The following MGST1 variants were observed in gnomAD, a reference collection of about 807,000 sequenced individuals.
MGST1 encodes glutathione S-transferase 12.
Under a neutral mutation model 8.9 loss-of-function variants are expected in MGST1, and 5 were observed. The observed-to-expected ratio is 0.56, with a 90% CI of 0.29 to 1.19. The LOEUF (loss-of-function observed/expected upper bound fraction) is 1.19. Among genes scored for constraint, MGST1 ranks in the 50% most tolerant of loss-of-function variants. The pLI is 0.08. For missense variants in MGST1, 182 were observed against 187.4 expected, an observed-to-expected ratio of 0.97 and a Z score of 0.17; for synonymous variants, 54 against 67.8, an observed-to-expected ratio of 0.80 and a Z score of 1.00.
At chr12:16,395,905 A>T (rs777692668) in intron 1 of MGST1, among the ~76,000 whole-genome samples, 1 of 151,698 alleles carries the variant, frequency 6.6e-6, no homozygotes, top group Non-Finnish European at 1.5e-5. Flanking sequence ...TTGTGCTGCT[A>T]TAAACATGTA....
In MGST1 at chr12:16,482,494, A is replaced by T. The variant is rs1220290040; in HGVS notation, n.482+98890A>T. The stretch of plus-strand genomic sequence containing the variant: ...AAAAATACAAAAATTAGCCAGGCGC[A>T]GTGGCAGGCGCCTGTAATCCTAGCT... On this transcript the variant is annotated intron_variant and non_coding_transcript_variant, in intron 4 of 4. Transcript: ENST00000538857. This position sits in a 1 kb window ranked among gnomAD's most constrained non-coding sequence, Gnocchi z 4.2. 6.6e-6 allele frequency among the ~76,000 whole-genome samples: 1 copy of T among 151,986 alleles called. No homozygotes were observed. Among genetic ancestry groups the T allele is most frequent in the Non-Finnish European group, 1.5e-5 (1 of 67,972 alleles).
At chr12:16,545,206 T>C (rs1457159344) in intron 4 of MGST1, among the ~76,000 whole-genome samples, 1 of 152,106 alleles carries the variant, frequency 6.6e-6, no homozygotes, top group African/African-American at 2.4e-5. Context: ...TCTGATTTAT[T>C]AAATTTACAA....
At chr12:16,421,957 C>T (rs868565890) in intron 1 of MGST1, among the ~76,000 whole-genome samples, 1 of 152,180 alleles carries the variant, frequency 6.6e-6, no homozygotes, top group Admixed American at 6.5e-5. Flanking sequence ...CACCATTACT[C>T]TAGATCTTTG....
rs745904975 is a variant in MGST1 at position 16,389,258 on chromosome 12, C to A, written n.778+5654C>A. Among the ~76,000 whole-genome samples, 1 of 152,160 alleles carries A rather than the reference C, an allele frequency of 6.6e-6. No individual in the cohort carries two copies. Among genetic ancestry groups the A allele is most frequent in the Non-Finnish European group, 1.5e-5 (1 of 68,028 alleles). On this transcript the variant is annotated intron_variant and non_coding_transcript_variant, in intron 1 of 1. Transcript: ENST00000359720. This position sits in a 1 kb window ranked among gnomAD's most constrained non-coding sequence, Gnocchi z 4.6. ...ACTGAAAAGAAATAGTTTGTTTACT[C>A]GATGCATCAACAGTTTGTATCTCAA...
intron 1 of MGST1, chr12:16,399,467 C>A: frequency 1.3e-6 from 2 of 1,550,626 alleles, no homozygotes; most frequent in Middle Eastern, 2.2e-4. Context: ...CATCCCAATC[C>A]TTTCCACTCT....
intron 4 of MGST1, among the ~76,000 whole-genome samples, chr12:16,556,332 T>G (rs1027490583): frequency 2.0e-5 from 3 of 152,184 alleles, no homozygotes; most frequent in African/African-American, 7.2e-5. Flanking sequence ...CCTCCTGCGG[T>G]ACCTTTTAAA....
rs1941485531 is a variant in MGST1 at position 16,498,692 on chromosome 12, A to G, written n.483-90836A>G. Among the ~76,000 whole-genome samples the G allele has an allele frequency of 2.0e-5, 3 of 152,336 alleles. No individual in the cohort carries two copies. In the South Asian group the frequency reaches 6.2e-4, roughly 32 times the overall value. ...ACATGCCATTTTATGCTCTAACAGG[A>G]GACCCGCTTTCCATGATCAAATGAT... On this transcript the variant is annotated intron_variant and non_coding_transcript_variant, in intron 4 of 4. Coordinates refer to the MGST1 transcript ENST00000538857.
chr12:16,447,574 G>A (rs1018119672), intron 4 of MGST1, among the ~76,000 whole-genome samples: 25 of 151,942 alleles, frequency 1.6e-4, no homozygotes, highest in African/African-American at 5.6e-4. Flanking sequence ...AGGTGCATCT[G>A]ACTGATCTCA....
intron 4 of MGST1, among the ~76,000 whole-genome samples, chr12:16,530,835 G>A (rs1230193592): frequency 6.6e-6 from 1 of 152,064 alleles, no homozygotes; most frequent in Non-Finnish European, 1.5e-5. Flanking sequence ...CCAGCACTGG[G>A]CATATATCAC....
chr12:16,405,187 C>A (rs1340724225), intron 1 of MGST1, among the ~76,000 whole-genome samples: 1 of 151,920 alleles, frequency 6.6e-6, no homozygotes, highest in Admixed American at 6.6e-5. Context: ...TCGAGCTGAA[C>A]CAAAAGAGAT....
intron 4 of MGST1, among the ~76,000 whole-genome samples, chr12:16,511,632 A>G (rs996215130): frequency 2.6e-5 from 4 of 152,190 alleles, no homozygotes; most frequent in African/African-American, 9.6e-5. Flanking sequence ...AGGGAATGCT[A>G]TTTCTTCTTC....
At chr12:16,461,740 C>A (rs1056580877) in intron 4 of MGST1, among the ~76,000 whole-genome samples, 1 of 152,076 alleles carries the variant, frequency 6.6e-6, no homozygotes, top group Admixed American at 6.5e-5. Context: ...GGAACATTGA[C>A]AGAATAATTG....
At chr12:16,374,806 G>A (rs970942847) in intron 3 of MGST1, among the ~76,000 whole-genome samples, 3 of 152,136 alleles carry the variant, frequency 2.0e-5, no homozygotes, top group African/African-American at 7.2e-5. Flanking sequence ...TATGGTTACT[G>A]TGGAATAAAC....
Position 16,582,626 on chromosome 12 carries a change from G to A in MGST1, n.483-6902G>A, listed in dbSNP as rs965772421. Among the ~76,000 whole-genome samples the A allele has an allele frequency of 1.3e-5, 2 of 152,182 alleles. No individual in the cohort carries two copies. The highest frequency in any genetic ancestry group is 1.5e-5 in the Non-Finnish European group (1 of 68,032). On this transcript the variant is annotated intron_variant and non_coding_transcript_variant, in intron 4 of 4. Transcript: ENST00000538857. This position sits in a 1 kb window ranked among gnomAD's most constrained non-coding sequence, Gnocchi z 4.1. ...AGAGATTGAGCCATCACAATAAGAG[G>A]AGGGATTGAAACCATGAGGACAAAT... is the stretch of plus-strand genomic sequence containing the variant.
chr12:16,438,338 G>A (rs866729790), exon 2 of MGST1: 1 of 151,900 alleles, frequency 6.6e-6, no homozygotes, highest in South Asian at 2.1e-4. Context: ...TACATTGACA[G>A]TGGGGGAGTT....
intron 3 of MGST1, among the ~76,000 whole-genome samples, chr12:16,358,942 G>T (rs1195959758): frequency 6.6e-6 from 1 of 151,902 alleles, no homozygotes; most frequent in Non-Finnish European, 1.5e-5. Flanking sequence ...GATTTCTGCA[G>T]ATTCCCTTAT....
intron 4 of MGST1, among the ~76,000 whole-genome samples, chr12:16,571,679 T>C (rs544039008): frequency 6.6e-6 from 1 of 152,128 alleles, no homozygotes; most frequent in East Asian, 1.9e-4. Context: ...TTTCTGTTCT[T>C]TGGTTCCTTC....
At chr12:16,434,285 T>G (rs1940964683) in intron 1 of MGST1, among the ~76,000 whole-genome samples, 1 of 152,126 alleles carries the variant, frequency 6.6e-6, no homozygotes, top group Non-Finnish European at 1.5e-5. Flanking sequence ...ATGCATTTCA[T>G]GAATGGTGCT....
intron 4 of MGST1, among the ~76,000 whole-genome samples, chr12:16,475,118 A>C (rs1941312959): frequency 6.6e-6 from 1 of 152,312 alleles, no homozygotes; most frequent in East Asian, 1.9e-4. Context: ...TACAGCAGCA[A>C]ATCATGTTTC....
Sources: gnomAD v4.1 joint callset for allele counts (sites outside exome capture counted in the v4.1 genomes callset) on GRCh38, gnomAD v4.1.1 for gene constraint, Gnocchi (gnomAD v3.1) non-coding constraint, MANE v1.5 for transcripts, NCBI Gene and HGNC (gene_info 2026-07-23, HGNC 2026-07-21) for gene names.